The following KCNH1 variants were observed in gnomAD, a reference collection of about 807,000 sequenced individuals.
KCNH1 encodes the protein voltage-gated delayed rectifier potassium channel KCNH1.
KCNH1 carries 27 observed loss-of-function variants against 69.2 expected under a neutral mutation model. The observed-to-expected ratio is 0.39, with a 90% CI of 0.29 to 0.54. KCNH1 has a LOEUF of 0.54. KCNH1 is among the 20% of genes least tolerant of loss of function. KCNH1 has a pLI of 0.68. For missense variants in KCNH1, 798 were observed against 1,261.6 expected (o/e 0.63, Z 5.57); for synonymous variants, 456 against 487.7 (o/e 0.93, Z 0.86).
chr1:210,960,516 T>C (rs1688272949), intron 6 of KCNH1, among the ~76,000 whole-genome samples: 1 of 152,232 alleles, frequency 6.6e-6, no homozygotes, highest in Non-Finnish European at 1.5e-5. Context: ...TTAAATTGAA[T>C]CATACAGTGT....
intron 1 of KCNH1, among the ~76,000 whole-genome samples, chr1:211,122,722 G>A (rs1160688437): frequency 3.3e-5 from 5 of 152,098 alleles, no homozygotes; most frequent in African/African-American, 4.8e-5. Flanking sequence ...AAACTAACCT[G>A]GGGACAGAAG....
chr1:210,871,975 C>T (rs148687020), intron 7 of KCNH1, among the ~76,000 whole-genome samples: 4,393 of 150,682 alleles, frequency 0.029, 172 homozygotes, highest in East Asian at 0.14. Flanking sequence ...GTGGGTGCAG[C>T]GCACCAGCAT....
chr1:210,783,894 G>A (rs1171621310), intron 9 of KCNH1, among the ~76,000 whole-genome samples: 1 of 152,220 alleles, frequency 6.6e-6, no homozygotes, highest in Non-Finnish European at 1.5e-5. Flanking sequence ...GTTGACCTCT[G>A]TGATAGAGGT....
At chr1:210,895,838 A>T (rs1447967653) in intron 7 of KCNH1, among the ~76,000 whole-genome samples, 1 of 152,184 alleles carries the variant, frequency 6.6e-6, no homozygotes, top group African/African-American at 2.4e-5. Flanking sequence ...TGCTTTTCCA[A>T]CAACGCCATA....
chr1:210,985,527 C>A (rs1688812929), intron 6 of KCNH1, among the ~76,000 whole-genome samples: 1 of 152,126 alleles, frequency 6.6e-6, no homozygotes, highest in Non-Finnish European at 1.5e-5. Flanking sequence ...TTTCTGCCTT[C>A]ATTTCGTTAT....
chr1:210,860,946 C>A, intron 7 of KCNH1: 2 of 966,768 alleles, frequency 2.1e-6, no homozygotes, highest in South Asian at 2.6e-5. Context: ...AGATCTTTTT[C>A]TTCAGAAGTG....
intron 7 of KCNH1, among the ~76,000 whole-genome samples, chr1:210,892,041 A>G (rs1686759914): frequency 6.6e-6 from 1 of 152,158 alleles, no homozygotes; most frequent in African/African-American, 2.4e-5. Flanking sequence ...GGAGAGGAAC[A>G]TCACACACTG....
intron 9 of KCNH1, 89 bp from the exon 10 acceptor site, chr1:210,775,633 TC>T (rs1169589761): frequency 1.1e-6 from 1 of 929,258 alleles, no homozygotes; most frequent in Non-Finnish European, 1.7e-6. Flanking sequence ...AGAATTGCTG[TC>T]CTTTCAGCAT....
At chr1:210,836,964 G>A (rs185496481) in intron 7 of KCNH1, among the ~76,000 whole-genome samples, 50 of 152,212 alleles carry the variant, frequency 3.3e-4, no homozygotes, top group Admixed American at 9.8e-4. Context: ...AGCCCATTCT[G>A]TACAACATCT....
rs1247416049 is a variant in KCNH1, at chr1:211,063,149, C to T, written c.558+19631G>A. ...ACCATAAAAAAGAATGAAATCCTGT[C>T]CTTTGCAACAACATGGATGGAAGTG... On this transcript the variant is annotated intron_variant, in intron 5 of 10. Coordinates refer to ENST00000271751, the MANE Select transcript of KCNH1 (RefSeq NM_172362.3). Among the ~76,000 whole-genome samples the T allele has an allele frequency of 2.0e-5, 3 of 152,242 alleles. No individual in the cohort carries two copies. In the East Asian group the frequency reaches 5.8e-4, roughly 29 times the overall value.
At chr1:210,900,464 T>C (rs1257254008) in intron 7 of KCNH1, among the ~76,000 whole-genome samples, 1 of 152,180 alleles carries the variant, frequency 6.6e-6, no homozygotes, top group Non-Finnish European at 1.5e-5. Flanking sequence ...AAAGGACAAA[T>C]ATGTTTTGTG....
At chr1:211,033,347 T>A (rs1404342494) in intron 5 of KCNH1, among the ~76,000 whole-genome samples, 2 of 152,188 alleles carry the variant, frequency 1.3e-5, no homozygotes, top group Non-Finnish European at 2.9e-5. Flanking sequence ...ATTGTGGAAG[T>A]CAGTGTGGCG....
intron 7 of KCNH1, chr1:210,859,578 A>G (rs1574301061): frequency 1.3e-6 from 2 of 1,547,358 alleles, no homozygotes; most frequent in African/African-American, 2.7e-5. Context: ...TATCATCTTC[A>G]TCACTCCCCA....
At chr1:210,893,757 C>A (rs761158128) in intron 7 of KCNH1, among the ~76,000 whole-genome samples, 1 of 152,066 alleles carries the variant, frequency 6.6e-6, no homozygotes, top group Admixed American at 6.6e-5. Flanking sequence ...TGTGTCATAG[C>A]TCTTCGAAGC....
intron 6 of KCNH1, among the ~76,000 whole-genome samples, chr1:210,946,712 C>A (rs903289737): frequency 6.6e-6 from 1 of 152,180 alleles, no homozygotes; most frequent in Non-Finnish European, 1.5e-5. Flanking sequence ...CCTTCTCTCC[C>A]GCCGTGTTCT....
chr1:210,785,266 A>T (rs1366389851), intron 9 of KCNH1, among the ~76,000 whole-genome samples: 1 of 152,188 alleles, frequency 6.6e-6, no homozygotes, highest in African/African-American at 2.4e-5. Flanking sequence ...ATAAATAGAC[A>T]ATTTTTCCAA....
intron 7 of KCNH1, among the ~76,000 whole-genome samples, chr1:210,894,493 TA>T (rs1686821428): frequency 6.6e-6 from 1 of 152,156 alleles, no homozygotes; most frequent in African/African-American, 2.4e-5. Context: ...AAGGGTTGAT[TA>T]GTTATCTATT....
At chr1:210,972,495 T>C (rs1688528976) in intron 6 of KCNH1, among the ~76,000 whole-genome samples, 1 of 152,100 alleles carries the variant, frequency 6.6e-6, no homozygotes, top group African/African-American at 2.4e-5. Context: ...TACTTATACA[T>C]TGGGAAAGAA....
chr1:210,727,077 T>TG (rs1682615589), intron 10 of KCNH1, among the ~76,000 whole-genome samples: 1 of 152,194 alleles, frequency 6.6e-6, no homozygotes, highest in Non-Finnish European at 1.5e-5. Flanking sequence ...TATGTCTTGA[T>TG]GGTGTGTGGG....
Sources: gnomAD v4.1 joint callset for allele counts (sites outside exome capture counted in the v4.1 genomes callset) on GRCh38, gnomAD v4.1.1 for gene constraint, MANE v1.5 for transcripts, NCBI Gene and HGNC (gene_info 2026-07-23, HGNC 2026-07-21) for gene names.